The following INPP5D variants were observed in gnomAD, a reference collection of about 807,000 sequenced individuals.
INPP5D encodes the protein phosphatidylinositol 3,4,5-trisphosphate 5-phosphatase 1.
INPP5D carries 33 observed loss-of-function variants against 122.9 expected under a neutral mutation model. The observed-to-expected ratio is 0.27, with a 90% CI of 0.20 to 0.36. The LOEUF (loss-of-function observed/expected upper bound fraction) is 0.36, where lower values mean the gene tolerates loss of function less well. INPP5D is among the 10% of genes least tolerant of loss of function. The pLI is 1.00. For missense variants in INPP5D, 1,053 were observed against 1,412.7 expected, an observed-to-expected ratio of 0.75 and a Z score of 4.08; for synonymous variants, 584 against 576.2, an observed-to-expected ratio of 1.01 and a Z score of -0.19.
At chr2:233,126,818 G>A (rs561832036) in intron 4 of INPP5D, among the ~76,000 whole-genome samples, 5 of 152,208 alleles carry the variant, frequency 3.3e-5, no homozygotes, top group African/African-American at 1.2e-4. Context: ...TATTCGGGAG[G>A]CTGAGGGAGG....
intron 10 of INPP5D, among the ~76,000 whole-genome samples, chr2:233,159,042 A>G (rs891762415): frequency 6.6e-6 from 1 of 152,102 alleles, no homozygotes; most frequent in Admixed American, 6.5e-5. Flanking sequence ...TCTGTCACCC[A>G]AAGTGCTGGT....
intron 26 of INPP5D, 50 bp downstream of exon 26, chr2:233,204,767 CGTGAGTGCGTATGT>C: frequency 7.0e-7 from 1 of 1,422,446 alleles, no homozygotes; most frequent in South Asian, 1.4e-5. Flanking sequence ...TGTGTGCATG[CGTGAGTGCGTATGT>C]GTGTACCTAT....
intron 2 of INPP5D, among the ~76,000 whole-genome samples, chr2:233,114,339 G>A (rs867471646): frequency 6.6e-6 from 1 of 152,240 alleles, no homozygotes; most frequent in East Asian, 1.9e-4. Context: ...AAATTTGGGG[G>A]AGAGGAGGTG....
chr2:233,126,110 G>A (rs572568719), intron 4 of INPP5D, among the ~76,000 whole-genome samples, 191 bp downstream of exon 4: 9 of 152,300 alleles, frequency 5.9e-5, no homozygotes, highest in Admixed American at 3.3e-4. Context: ...GAAGGCCAGG[G>A]GCATGGGCCT....
At chr2:233,084,595 G>A (rs572108120) in intron 2 of INPP5D, among the ~76,000 whole-genome samples, 19 of 152,316 alleles carry the variant, frequency 1.2e-4, no homozygotes, top group South Asian at 2.1e-4. Flanking sequence ...AAGCTGTTCC[G>A]TCACAAGCAT....
At chr2:233,071,125 A>G (rs1180344449) in intron 1 of INPP5D, among the ~76,000 whole-genome samples, 2 of 151,818 alleles carry the variant, frequency 1.3e-5, no homozygotes, top group Non-Finnish European at 2.9e-5. Context: ...GATACAAAAA[A>G]AATAAAAATA....
intron 23 of INPP5D, among the ~76,000 whole-genome samples, chr2:233,194,518 G>A (rs1299225766): frequency 1.7e-5 from 2 of 120,622 alleles, no homozygotes; most frequent in Admixed American, 1.0e-4. Flanking sequence ...TTTTTTTTGG[G>A]ACAGAGTCTC....
chr2:233,096,226 C>T (rs1692136384), intron 2 of INPP5D, among the ~76,000 whole-genome samples: 1 of 152,238 alleles, frequency 6.6e-6, no homozygotes, highest in Non-Finnish European at 1.5e-5. Context: ...GTGACCTTCT[C>T]ACCCAGTGTC....
intron 6 of INPP5D, among the ~76,000 whole-genome samples, chr2:233,144,856 T>C (rs1170109729): frequency 2.0e-5 from 3 of 151,940 alleles, no homozygotes; most frequent in African/African-American, 7.3e-5. Context: ...GNCAGTGCCA[T>C]TGATCATTGT....
chr2:233,202,764 C>T (rs1211025597), intron 25 of INPP5D, among the ~76,000 whole-genome samples: 2 of 152,204 alleles, frequency 1.3e-5, no homozygotes, highest in Admixed American at 1.3e-4. Context: ...TTCTCGTTCT[C>T]ATAGTTTGCT....
intron 3 of INPP5D, among the ~76,000 whole-genome samples, chr2:233,123,885 G>C (rs552940836): frequency 6.6e-6 from 1 of 152,106 alleles, no homozygotes; most frequent in East Asian, 1.9e-4. Context: ...CAAATACCAC[G>C]TGTTCTCACT....
chr2:233,077,361 A>C (rs1691548317), intron 1 of INPP5D, among the ~76,000 whole-genome samples: 1 of 152,112 alleles, frequency 6.6e-6, no homozygotes, highest in Admixed American at 6.5e-5. Context: ...ATATATTTTA[A>C]AAAATCTAGT....
At position 233,158,820 on chromosome 2, in the gene INPP5D, A is replaced by G. The variant is rs372624266; in HGVS notation, c.1137+401A>G. 1.7e-4 allele frequency among the ~76,000 whole-genome samples: 26 copies of G among 152,184 alleles called. No individual in the cohort carries two copies. The South Asian group carries it at 4.8e-3, about 28-fold the overall frequency. On this transcript the variant is annotated intron_variant, in intron 10 of 26. Transcript: ENST00000445964. ...ACTTGAGACAGCGTCTCGCTTTACC[A>G]TCTAGGCTAGTGCAGTGGCGTGATC...
rs1231239195 is a variant in INPP5D, at chr2:233,078,279, G to A, written c.135-1056G>A. 6.6e-6 allele frequency among the ~76,000 whole-genome samples: 1 copy of A among 152,182 alleles called. No homozygotes were observed. Among genetic ancestry groups the A allele is most frequent in the Non-Finnish European group, 1.5e-5 (1 of 68,030 alleles). On this transcript the variant is annotated intron_variant, in intron 1 of 26. Transcript: ENST00000445964. This position sits in a 1 kb window ranked among gnomAD's most constrained non-coding sequence, Gnocchi z 4.6. ...TTGACAGCCCCCTTTTCCTCTCACA[G>A]GTTTTAGGAAAGTGAAAAGTACCTT... is the stretch of plus-strand genomic sequence containing the variant.
intron 9 of INPP5D, among the ~76,000 whole-genome samples, chr2:233,150,413 T>G (rs960052022): frequency 6.6e-6 from 1 of 152,214 alleles, no homozygotes; most frequent in African/African-American, 2.4e-5. Context: ...CATGTGGAAC[T>G]GTGAGTCCAT....
intron 5 of INPP5D, among the ~76,000 whole-genome samples, chr2:233,136,312 C>T (rs1269500517): frequency 1.3e-5 from 2 of 152,160 alleles, no homozygotes; most frequent in Admixed American, 6.5e-5. Context: ...ATTCCATCTA[C>T]ACTAAAAATA....
At position 233,164,363 on chromosome 2, in the gene INPP5D, C is replaced by T. The variant is rs1387404047; in HGVS notation, c.1494C>T (p.His498=). 3 of 1,552,902 alleles carry T rather than the reference C, an allele frequency of 1.9e-6. No individual in the cohort carries two copies. Among genetic ancestry groups the T allele is most frequent in the Non-Finnish European group, 1.7e-6 (2 of 1,147,766 alleles). Reference sequence around the variant, plus strand: ...TCGTGGTGCTGGCCAAGCCTGAGCACGAGAACCGGATCAGCCACATCTGTA... The same window carrying T: ...TCGTGGTGCTGGCCAAGCCTGAGCATGAGAACCGGATCAGCCACATCTGTA... ...IRIVVLAKPE[H]ENRISHICTD... is the part of the protein sequence containing the mutation. Residue 498 remains histidine, a synonymous_variant, in exon 13 of 27, where the codon CAC becomes CAT. Transcript: ENST00000445964. This position sits in a 1 kb window ranked among gnomAD's most constrained non-coding sequence, Gnocchi z 4.3.
intron 17 of INPP5D, among the ~76,000 whole-genome samples, chr2:233,175,047 C>T (rs561260518): frequency 3.3e-5 from 5 of 151,622 alleles, no homozygotes; most frequent in South Asian, 4.2e-4. Flanking sequence ...GCCAACACCG[C>T]GAAACCCGTC....
intron 2 of INPP5D, among the ~76,000 whole-genome samples, chr2:233,121,064 A>C (rs1397200719): frequency 1.3e-5 from 2 of 151,966 alleles, no homozygotes; most frequent in African/African-American, 4.8e-5. Context: ...TAAACTGGAA[A>C]ATAGGTATCT....
Sources: gnomAD v4.1 joint callset for allele counts (sites outside exome capture counted in the v4.1 genomes callset) on GRCh38, gnomAD v4.1.1 for gene constraint, Gnocchi (gnomAD v3.1) non-coding constraint, MANE v1.5 for transcripts, NCBI Gene and HGNC (gene_info 2026-07-23, HGNC 2026-07-21) for gene names.